The following SYT1 variants were observed in gnomAD, a reference collection of about 807,000 sequenced individuals.
SYT1 encodes the protein synaptotagmin-1.
A neutral mutation model predicts 44.8 loss-of-function variants in SYT1; 8 were observed. The ratio of observed to expected loss-of-function variants is 0.18; its 90% CI spans 0.10 to 0.32. The LOEUF is 0.32. Ranked by LOEUF, SYT1 falls within the 10% of genes least tolerant of loss-of-function variation. The probability of loss-of-function intolerance (pLI) is 1.00; values close to 1 mark genes in which losing one functional copy is unlikely to be tolerated. For missense variants in SYT1, 286 were observed against 509.3 expected, an observed-to-expected ratio of 0.56 and a Z score of 4.22; for synonymous variants, 154 against 188.8, an observed-to-expected ratio of 0.82 and a Z score of 1.51.
intron 9 of SYT1, among the ~76,000 whole-genome samples, chr12:79,359,005 A>G (rs892584967): frequency 6.6e-6 from 1 of 152,100 alleles, no homozygotes; most frequent in African/African-American, 2.4e-5. Flanking sequence ...CTGGCCCAAT[A>G]TGAAACAGAA....
At chr12:78,907,577 C>A (rs944718254) in intron 1 of SYT1, among the ~76,000 whole-genome samples, 5 of 151,900 alleles carry the variant, frequency 3.3e-5, no homozygotes, top group Admixed American at 2.6e-4. Flanking sequence ...CAAAGCAGTT[C>A]TTTCCAGAAG....
chr12:79,442,193 T>G (rs1870462432), intron 9 of SYT1, among the ~76,000 whole-genome samples: 1 of 152,146 alleles, frequency 6.6e-6, no homozygotes. Context: ...ATTTCATCAG[T>G]CCCAAAGAAC....
intron 8 of SYT1, among the ~76,000 whole-genome samples, chr12:79,337,822 A>G (rs1882161265): frequency 6.6e-6 from 1 of 152,230 alleles, no homozygotes; most frequent in South Asian, 2.1e-4. Flanking sequence ...TGTTGCCCAT[A>G]TTTCAAAATT....
intron 9 of SYT1, among the ~76,000 whole-genome samples, chr12:79,364,922 C>T (rs1565927191): frequency 6.6e-6 from 1 of 152,090 alleles, no homozygotes; most frequent in Non-Finnish European, 1.5e-5. Flanking sequence ...CTTCCATATC[C>T]TTATTAAGGA....
intron 3 of SYT1, among the ~76,000 whole-genome samples, chr12:79,144,387 A>G (rs1421132819): frequency 1.3e-5 from 2 of 152,220 alleles, no homozygotes; most frequent in Non-Finnish European, 2.9e-5. Flanking sequence ...TTTTTCAGTA[A>G]GACGCTTCCT....
intron 3 of SYT1, among the ~76,000 whole-genome samples, chr12:79,073,010 A>G (rs1876389920): frequency 6.6e-6 from 1 of 152,220 alleles, no homozygotes; most frequent in South Asian, 2.1e-4. Context: ...GGACACTTAA[A>G]TAATTAAACA....
At chr12:79,105,607 G>A (rs1258184295) in intron 3 of SYT1, among the ~76,000 whole-genome samples, 2 of 152,168 alleles carry the variant, frequency 1.3e-5, no homozygotes, top group East Asian at 1.9e-4. Context: ...TTGGCCGGGC[G>A]TGGTGGCTCA....
intron 2 of SYT1, among the ~76,000 whole-genome samples, chr12:79,001,307 T>C (rs1428279495): frequency 2.0e-5 from 3 of 151,838 alleles, no homozygotes; most frequent in Admixed American, 6.6e-5. Context: ...CTGTCAGTAG[T>C]ACAGTAGAAC....
chr12:79,345,185 GA>G (rs1157533095), intron 8 of SYT1, among the ~76,000 whole-genome samples: 1 of 152,150 alleles, frequency 6.6e-6, no homozygotes, highest in Non-Finnish European at 1.5e-5. Context: ...GTTAAAAGGG[GA>G]AAACTAGAAG....
At chr12:79,442,313 A>G (rs1390938037) in intron 9 of SYT1, among the ~76,000 whole-genome samples, 1 of 152,220 alleles carries the variant, frequency 6.6e-6, no homozygotes, top group African/African-American at 2.4e-5. Context: ...TTGGCTGTGA[A>G]CAGTAACATG....
intron 3 of SYT1, among the ~76,000 whole-genome samples, chr12:79,097,558 G>A (rs1878208831): frequency 6.6e-6 from 1 of 151,854 alleles, no homozygotes; most frequent in African/African-American, 2.4e-5. Flanking sequence ...CCCTATAGCA[G>A]CTGGTATCAC....
chr12:79,063,544 A>C (rs1340429336), intron 3 of SYT1, among the ~76,000 whole-genome samples: 2 of 152,248 alleles, frequency 1.3e-5, no homozygotes, highest in East Asian at 3.9e-4. Flanking sequence ...AAACCAAAGC[A>C]TAATGTTCAT....
chr12:79,179,108 A>C (rs974544884), intron 3 of SYT1, among the ~76,000 whole-genome samples: 21 of 116,286 alleles, frequency 1.8e-4, no homozygotes, highest in African/African-American at 6.5e-4. Context: ...ATAGATATAT[A>C]GATATAGATA....
At chr12:79,135,832 C>G (rs1869154132) in intron 3 of SYT1, among the ~76,000 whole-genome samples, 1 of 152,190 alleles carries the variant, frequency 6.6e-6, no homozygotes, top group Non-Finnish European at 1.5e-5. Flanking sequence ...TTGAAAGATT[C>G]TGGTGCCCTT....
intron 3 of SYT1, among the ~76,000 whole-genome samples, chr12:79,178,909 CAGATATAGATATAGATATATCTATAT>C (rs1565840747): frequency 7.4e-6 from 1 of 135,800 alleles, no homozygotes; most frequent in African/African-American, 2.8e-5. Context: ...CCACCACACC[CAGATATAGATATAGATATATCTATAT>C]AGATATAGAT....
chr12:79,233,243 T>G (rs1248437625), intron 4 of SYT1, among the ~76,000 whole-genome samples: 2 of 152,242 alleles, frequency 1.3e-5, no homozygotes, highest in Admixed American at 1.3e-4. Context: ...TTCATCTTTT[T>G]GTTTTAAAAA....
intron 3 of SYT1, among the ~76,000 whole-genome samples, chr12:79,165,921 A>AT (rs1182306100): frequency 6.6e-6 from 1 of 151,960 alleles, no homozygotes; most frequent in African/African-American, 2.4e-5. Context: ...ATGGAATTCA[A>AT]TTTTTTCTTA....
chr12:79,355,282 C>T (rs1473280429), intron 9 of SYT1, among the ~76,000 whole-genome samples: 2 of 151,996 alleles, frequency 1.3e-5, no homozygotes, highest in Non-Finnish European at 2.9e-5. Flanking sequence ...CTAGCTATCC[C>T]AAAGAAGGAA....
Position 79,450,287 on chromosome 12 carries a change from A to C in SYT1, c.*1163A>C, listed in dbSNP as rs1870979948. On this transcript the variant is annotated 3_prime_UTR_variant, in exon 11 of 11. Coordinates refer to ENST00000261205, the MANE Select transcript of SYT1 (RefSeq NM_005639.3). The stretch of plus-strand genomic sequence containing the variant: ...CCCATCAAAAGATGAAAGAAAAACA[A>C]AAACAAAAACCAACAACAATTAGCC... The C allele has an allele frequency of 6.6e-6, 1 of 152,656 alleles. No individual in the cohort carries two copies. Among genetic ancestry groups the C allele is most frequent in the African/African-American group, 2.4e-5 (1 of 41,452 alleles). 9.5% of individuals were successfully genotyped at this position (152,656 alleles called of 1,614,324 possible). A position where few individuals can be genotyped will look rare whatever the true frequency, so the allele number is the denominator to read the frequency against.
Sources: gnomAD v4.1 joint callset for allele counts (sites outside exome capture counted in the v4.1 genomes callset) on GRCh38, gnomAD v4.1.1 for gene constraint, MANE v1.5 for transcripts, NCBI Gene and HGNC (gene_info 2026-07-23, HGNC 2026-07-21) for gene names.